Variants in LIMCH1 observed in about 807,000 individuals in gnomAD.
LIMCH1 encodes the protein LIM and calponin homology domains 1, also known as LIM and calponin homology domains-containing protein 1.
LIMCH1 carries 113 observed loss-of-function variants against 176.5 expected under a neutral mutation model. The observed-to-expected ratio is 0.64, with a 90% confidence interval of 0.55 to 0.75. The LOEUF (loss-of-function observed/expected upper bound fraction) is 0.75, where lower values mean the gene tolerates loss of function less well. LIMCH1 is among the 30% of genes least tolerant of loss of function. The pLI is 0.00. For synonymous variants in LIMCH1, 619 were observed against 645.9 expected, an observed-to-expected ratio of 0.96 and a Z score of 0.63; for missense variants, 1,674 against 1,814.9, an observed-to-expected ratio of 0.92 and a Z score of 1.41.
At chr4:41,666,718 G>A in intron 21 of LIMCH1, 52 bp downstream of exon 21, 1 of 1,162,044 alleles carries the variant, frequency 8.6e-7, no homozygotes, top group Non-Finnish European at 1.3e-6. Context: ...CCCATCTGTA[G>A]TAAACTATTA....
chr4:41,438,011 A>G (rs1430187890), intron 1 of LIMCH1, among the ~76,000 whole-genome samples: 3 of 152,134 alleles, frequency 2.0e-5, no homozygotes, highest in Non-Finnish European at 2.9e-5. Context: ...AATATCTTCT[A>G]CCTGGAATAT....
rs572816751 is a variant in LIMCH1, at chr4:41,609,439, C to T, written c.9+3435C>T. 2.2e-4 allele frequency among the ~76,000 whole-genome samples: 33 copies of T among 152,176 alleles called. 1 individual carries two copies. The South Asian group carries it at 6.6e-3, about 31-fold the overall frequency. ...AGATATTTGTGGAATGAACAGCTTC[C>T]ACAACCAGAGGGTGGTGGGTGGAGA... On this transcript the variant is annotated intron_variant, in intron 4 of 31. Transcript: ENST00000503057.
chr4:41,515,191 A>C (rs534241652), intron 2 of LIMCH1, among the ~76,000 whole-genome samples: 73 of 152,344 alleles, frequency 4.8e-4, no homozygotes, highest in African/African-American at 1.7e-3. Flanking sequence ...TTTGGCAGAA[A>C]GCAGGGCTGG....
chr4:41,687,870 GCCTTTCTCT>G lies in LIMCH1; in HGVS notation c.4122_4130del (p.Phe1375_Pro1377del). 6.2e-7 allele frequency: 1 copy of G among 1,613,388 alleles called. No individual in the cohort carries two copies. Among genetic ancestry groups the G allele is most frequent in the Non-Finnish European group, 8.5e-7 (1 of 1,179,644 alleles). Reference sequence around the variant, plus strand: ...GTCCCCGAGAGCACTTCCAGGCTGGGCCTTTCTCTCCCTGTTCTCCCACCCCTCCCGGTC... The same window carrying G: ...GTCCCCGAGAGCACTTCCAGGCTGGGCCCTGTTCTCCCACCCCTCCCGGTC... On this transcript the variant is annotated inframe_deletion, in exon 29 of 32. Transcript: ENST00000503057.
At chr4:41,421,636 G>T (rs530138572) in intron 1 of LIMCH1, among the ~76,000 whole-genome samples, 16 of 152,188 alleles carry the variant, frequency 1.1e-4, no homozygotes, top group African/African-American at 3.9e-4. Context: ...TATGCCATTG[G>T]TCTTTTCATT....
chr4:41,377,330 G>T (rs547732425), intron 1 of LIMCH1, among the ~76,000 whole-genome samples: 2 of 152,148 alleles, frequency 1.3e-5, no homozygotes, highest in African/African-American at 4.8e-5. Flanking sequence ...CCAAAACCAT[G>T]CAACAAATGG....
intron 1 of LIMCH1, among the ~76,000 whole-genome samples, chr4:41,481,935 C>T (rs1014997969): frequency 1.3e-5 from 2 of 151,776 alleles, no homozygotes; most frequent in African/African-American, 2.4e-5. Flanking sequence ...ACTGCAACCT[C>T]GGTCTCTTGG....
intron 1 of LIMCH1, among the ~76,000 whole-genome samples, chr4:41,488,875 A>G (rs1452972754): frequency 1.3e-5 from 2 of 152,172 alleles, no homozygotes; most frequent in African/African-American, 4.8e-5. Context: ...CTTTTCAATT[A>G]TCTGGAAGAG....
At chr4:41,657,529 A>G (rs1175383833) in intron 18 of LIMCH1, among the ~76,000 whole-genome samples, 2 of 152,232 alleles carry the variant, frequency 1.3e-5, no homozygotes, top group African/African-American at 4.8e-5. Flanking sequence ...CCTATTACTC[A>G]GCCACTCTGA....
In LIMCH1 at chr4:41,646,867, T is replaced by A. The variant is rs1465088680; in HGVS notation, c.2794T>A (p.Ser932Thr). The change falls in exon 17 of 32, where the codon TCT becomes ACT. Residue 932 changes from serine (S) to threonine (T), a missense_variant. Around this residue, in one of 3 missense-constraint regions of LIMCH1, gnomAD observed 1,015 missense variants for 1,102.5 expected, o/e 0.92. Transcript: ENST00000503057. Reference sequence around the variant, plus strand: ...CAAGCCTTACTCCCAGCCCAAAAATTCTCAAGATGTTCTGAAGACCTTTAA... The same window carrying A: ...CAAGCCTTACTCCCAGCCCAAAAATACTCAAGATGTTCTGAAGACCTTTAA... ...TPKPYSQPKN[S>T]QDVLKTFKVD... 6.2e-7 allele frequency: 1 copy of A among 1,613,650 alleles called. No homozygotes were observed. The highest frequency in any genetic ancestry group is 8.5e-7 in the Non-Finnish European group (1 of 1,179,724).
At chr4:41,562,577 T>C (rs1456574269) in intron 1 of LIMCH1, among the ~76,000 whole-genome samples, 2 of 152,190 alleles carry the variant, frequency 1.3e-5, no homozygotes, top group African/African-American at 4.8e-5. Context: ...CTTTAAAAAT[T>C]GTGCTGATTA....
chr4:41,576,404 T>C (rs546546124), intron 1 of LIMCH1, among the ~76,000 whole-genome samples: 2 of 152,346 alleles, frequency 1.3e-5, no homozygotes, highest in South Asian at 4.1e-4. Flanking sequence ...ACCTATCAAA[T>C]TTTAAAAATA....
intron 1 of LIMCH1, among the ~76,000 whole-genome samples, chr4:41,559,874 T>G (rs2081831684): frequency 6.6e-6 from 1 of 152,136 alleles, no homozygotes; most frequent in African/African-American, 2.4e-5. Context: ...CATTTTTCTC[T>G]TGACAACTCT....
chr4:41,384,267 C>T (rs1175855236), intron 1 of LIMCH1, among the ~76,000 whole-genome samples: 6 of 151,388 alleles, frequency 4.0e-5, no homozygotes, highest in African/African-American at 7.3e-5. Flanking sequence ...TGCAGTGGTG[C>T]GATCTCGGCT....
intron 1 of LIMCH1, among the ~76,000 whole-genome samples, chr4:41,547,863 G>GTGTATATA (rs774873739): frequency 1.6e-3 from 153 of 93,200 alleles, no homozygotes; most frequent in Admixed American, 4.0e-3. Context: ...TTGTGTGTGT[G>GTGTATATA]TATATATATA....
At chr4:41,692,515 C>G in intron 31 of LIMCH1, 131 bp downstream of exon 31, 1 of 606,258 alleles carries the variant, frequency 1.6e-6, no homozygotes, top group South Asian at 2.1e-5. Context: ...TTCTTAACAT[C>G]TAGGTTAAAA....
chr4:41,581,825 A>G (rs937744028), intron 1 of LIMCH1, among the ~76,000 whole-genome samples: 3 of 150,740 alleles, frequency 2.0e-5, no homozygotes, highest in Non-Finnish European at 3.0e-5. Flanking sequence ...AAAAAAAAAA[A>G]AAAAACAACA....
At chr4:41,436,775 A>T (rs997692249) in intron 1 of LIMCH1, among the ~76,000 whole-genome samples, 1 of 151,788 alleles carries the variant, frequency 6.6e-6, no homozygotes, top group Non-Finnish European at 1.5e-5. Flanking sequence ...GCGTCTGGGT[A>T]TATATTGGAA....
chr4:41,616,971 C>CTAAGACAT (rs1163182998), intron 5 of LIMCH1, among the ~76,000 whole-genome samples: 1 of 152,048 alleles, frequency 6.6e-6, no homozygotes, highest in African/African-American at 2.4e-5. Context: ...CTTGAAGTGT[C>CTAAGACAT]TAAGACATTC....
Sources: allele counts gnomAD v4.1 joint callset (sites outside exome capture counted in the v4.1 genomes callset), GRCh38; gene constraint gnomAD v4.1.1; regional missense constraint gnomAD v4.1.1; transcripts MANE v1.5; gene names NCBI Gene and HGNC (gene_info 2026-07-23, HGNC 2026-07-21).